ITM2B: variants seen among roughly 807,000 people sequenced by gnomAD.
ITM2B encodes the protein ABri/ADan amyloid peptide.
ITM2B carries 11 observed loss-of-function variants against 27.8 expected under a neutral mutation model. That is an observed-to-expected ratio of 0.40 (90% confidence interval 0.25 to 0.66). The LOEUF (loss-of-function observed/expected upper bound fraction) is 0.66, where lower values mean the gene tolerates loss of function less well. ITM2B is among the 30% of genes least tolerant of loss of function. The pLI, the probability that ITM2B is intolerant of heterozygous loss-of-function variation, is 0.43. For synonymous variants in ITM2B, 114 were observed against 114.3 expected (o/e 1.00, Z 0.02); for missense variants, 296 against 328.9 (o/e 0.90, Z 0.77).
In ITM2B at chr13:48,267,719, A is replaced by C. The variant is rs187704327; in HGVS notation, c.*6495A>C. 244 of 152,326 alleles carry C rather than the reference A, an allele frequency of 1.6e-3. No homozygotes were observed. The highest frequency in any genetic ancestry group is 5.5e-3 in the African/African-American group (230 of 41,582). The allele number at this position is 152,326 out of a possible 1,614,324, so 9.4% of individuals were successfully genotyped here. On this transcript the variant is annotated 3_prime_UTR_variant, in exon 6 of 6. Coordinates refer to ENST00000647800, the MANE Select transcript of ITM2B (RefSeq NM_021999.5). ...ATTTAGTGTTAGGAAAATTTTTTTC[A>C]CATAGGATACATGTTAATATTAGGT...
At chr13:48,253,780 A>G in intron 1 of ITM2B, 28 bp from the exon 2 acceptor site, 1 of 1,609,164 alleles carries the variant, frequency 6.2e-7, no homozygotes, top group Non-Finnish European at 8.5e-7. Flanking sequence ...TGGAGATAAG[A>G]TATTTAACTG....
In ITM2B at chr13:48,268,299, A is replaced by ATT. The variant is rs796765829; in HGVS notation, c.*7080_*7081dup. 1 of 139,530 alleles carries ATT rather than the reference A, an allele frequency of 7.2e-6. No homozygotes were observed. The highest frequency in any genetic ancestry group is 3.0e-5 in the African/African-American group (1 of 33,392). The allele number at this position is 139,530 out of a possible 1,614,324, so 8.6% of individuals were successfully genotyped here. On this transcript the variant is annotated 3_prime_UTR_variant, in exon 6 of 6. Transcript: ENST00000647800. ...GTGTGTGTGTGTGCTTTTTAAATTT[A>ATT]TTTTTTATTTTTTTTTTTTTGAGAC...
intron 2 of ITM2B, among the ~76,000 whole-genome samples, chr13:48,255,255 G>A (rs1157891438): frequency 1.3e-5 from 2 of 150,532 alleles, no homozygotes; most frequent in Non-Finnish European, 3.0e-5. Context: ...GTGTGTGTGT[G>A]CGCGCGCGTG....
intron 3 of ITM2B, among the ~76,000 whole-genome samples, chr13:48,257,416 A>T (rs1484613991): frequency 6.6e-6 from 1 of 152,142 alleles, no homozygotes; most frequent in African/African-American, 2.4e-5. Context: ...TGTGATTTTT[A>T]TGTCTCTCTG....
At chr13:48,253,438 C>T (rs1951765799) in intron 1 of ITM2B, among the ~76,000 whole-genome samples, 3 of 152,122 alleles carry the variant, frequency 2.0e-5, no homozygotes, top group African/African-American at 4.8e-5. Flanking sequence ...GGCTCATCAT[C>T]ATATTATGTG....
rs1465934003 is a variant in ITM2B at position 48,270,056 on chromosome 13, G to T, written c.*8832G>T. On this transcript the variant is annotated 3_prime_UTR_variant, in exon 6 of 6. Coordinates refer to ENST00000647800, the MANE Select transcript of ITM2B (RefSeq NM_021999.5). ...CATGTGGAATGAGATGTCCACTAGG[G>T]CAGAGAAGCACAGAACCGTGGGCAC... 6.6e-6 allele frequency: 1 copy of T among 152,176 alleles called. No homozygotes were observed. The highest frequency in any genetic ancestry group is 1.5e-5 in the Non-Finnish European group (1 of 68,026). 9.4% of individuals were successfully genotyped at this position (152,176 alleles called of 1,614,324 possible).
intron 1 of ITM2B, among the ~76,000 whole-genome samples, chr13:48,238,494 T>C (rs1951681565): frequency 6.6e-6 from 1 of 152,192 alleles, no homozygotes; most frequent in Non-Finnish European, 1.5e-5. Context: ...CTTGTTTTTA[T>C]GGTAGAGATA....
rs181091466 is a variant in ITM2B at position 48,253,491 on chromosome 13, A to C, written c.118-317A>C. 4.6e-5 allele frequency among the ~76,000 whole-genome samples: 7 copies of C among 152,336 alleles called. No homozygotes were observed. In the East Asian group the frequency reaches 1.3e-3, roughly 29 times the overall value. On this transcript the variant is annotated intron_variant, in intron 1 of 5. Transcript: ENST00000647800. ...CCTCTTCTAAATTATTAAATTATAG[A>C]ATATATCACCAAAAGTTGTGCATGG...
At chr13:48,245,446 AT>A (rs1951719344) in intron 1 of ITM2B, among the ~76,000 whole-genome samples, 1 of 152,178 alleles carries the variant, frequency 6.6e-6, no homozygotes, top group African/African-American at 2.4e-5. Context: ...TATTATTCAT[AT>A]AAATATTCTA....
At position 48,261,227 on chromosome 13, in the gene ITM2B, A is replaced by G. The variant is rs772731795; in HGVS notation, c.*3A>G. On this transcript the variant is annotated 3_prime_UTR_variant, in exon 6 of 6. Coordinates refer to ENST00000647800, the MANE Select transcript of ITM2B (RefSeq NM_021999.5). ...TGGAAACTTTAATTTGTTCTTGAAC[A>G]GTCAAGAAAAACATTATTGAGGAAA... 4 of 1,592,370 alleles carry G rather than the reference A, an allele frequency of 2.5e-6. No individual in the cohort carries two copies. The South Asian group carries it at 4.4e-5, about 18-fold the overall frequency.
chr13:48,263,872 G>T lies in ITM2B; in HGVS notation c.*2648G>T, dbSNP rs1320285671. 6.6e-6 allele frequency: 1 copy of T among 152,148 alleles called. No individual in the cohort carries two copies. The highest frequency in any genetic ancestry group is 2.4e-5 in the African/African-American group (1 of 41,404). 9.4% of individuals were successfully genotyped at this position (152,148 alleles called of 1,614,324 possible). On this transcript the variant is annotated 3_prime_UTR_variant, in exon 6 of 6. Transcript: ENST00000647800. Reference sequence around the variant, plus strand: ...ATTTCCTAATACTGTCACCTTGGGGGTAAGGATTTCAACATGAATTCTGGG... The same window carrying T: ...ATTTCCTAATACTGTCACCTTGGGGTTAAGGATTTCAACATGAATTCTGGG...
At chr13:48,235,473 C>T (rs894866726) in intron 1 of ITM2B, among the ~76,000 whole-genome samples, 1 of 152,182 alleles carries the variant, frequency 6.6e-6, no homozygotes, top group African/African-American at 2.4e-5. Context: ...ATTCTTTTTC[C>T]AGCTATAAGC....
chr13:48,247,173 TC>T (rs1365658643), intron 1 of ITM2B, among the ~76,000 whole-genome samples: 6 of 152,136 alleles, frequency 3.9e-5, no homozygotes, highest in African/African-American at 1.4e-4. Context: ...TTTTTTAATG[TC>T]CCAGCTGTTT....
At chr13:48,238,107 G>A (rs1951678971) in intron 1 of ITM2B, among the ~76,000 whole-genome samples, 1 of 152,200 alleles carries the variant, frequency 6.6e-6, no homozygotes. Flanking sequence ...CACTGGAGCT[G>A]TGCTTCACAA....
intron 5 of ITM2B, among the ~76,000 whole-genome samples, chr13:48,259,261 A>AT (rs1282891979): frequency 6.6e-6 from 1 of 152,114 alleles, no homozygotes; most frequent in African/African-American, 2.4e-5. Flanking sequence ...AAGGGTTTTT[A>AT]TTATCCAGAG....
chr13:48,239,050 C>G (rs929244838), intron 1 of ITM2B, among the ~76,000 whole-genome samples: 1 of 152,156 alleles, frequency 6.6e-6, no homozygotes. Context: ...AATTAAATCA[C>G]TTGAATCTCT....
chr13:48,245,248 C>A (rs1951718251), intron 1 of ITM2B, among the ~76,000 whole-genome samples: 1 of 151,918 alleles, frequency 6.6e-6, no homozygotes, highest in Non-Finnish European at 1.5e-5. Flanking sequence ...ATTGCTTGAA[C>A]CTGGGAGGCA....
chr13:48,242,759 G>T (rs994075594), intron 1 of ITM2B, among the ~76,000 whole-genome samples: 3 of 151,876 alleles, frequency 2.0e-5, no homozygotes, highest in Non-Finnish European at 4.4e-5. Flanking sequence ...CCCTTTGGTT[G>T]TCTACAGGCT....
intron 5 of ITM2B, 53 bp downstream of exon 5, chr13:48,259,000 C>A (rs1593396772): frequency 1.4e-6 from 2 of 1,415,326 alleles, no homozygotes; most frequent in East Asian, 2.3e-5. Context: ...TTGCATTAAA[C>A]TAGATTTAGG....
Sources: gnomAD v4.1 joint callset for allele counts (sites outside exome capture counted in the v4.1 genomes callset) on GRCh38, gnomAD v4.1.1 for gene constraint, MANE v1.5 for transcripts, NCBI Gene and HGNC (gene_info 2026-07-23, HGNC 2026-07-21) for gene names.